Variants in PCDHGB1 observed in about 807,000 individuals in gnomAD.
The protein encoded by PCDHGB1 is protocadherin gamma subfamily B, 1.
A neutral mutation model predicts 56.6 loss-of-function variants in PCDHGB1; 34 were observed. The ratio of observed to expected loss-of-function variants is 0.60; its 90% CI spans 0.46 to 0.80. The LOEUF (loss-of-function observed/expected upper bound fraction) is 0.80, where lower values mean the gene tolerates loss of function less well. Ranked by LOEUF, PCDHGB1 falls within the 30% of genes least tolerant of loss-of-function variation. The pLI, the probability that PCDHGB1 is intolerant of heterozygous loss-of-function variation, is 0.00. For missense variants in PCDHGB1, 1,278 were observed against 1,204.6 expected, an observed-to-expected ratio of 1.06 and a Z score of -0.90; for synonymous variants, 561 against 505.9, an observed-to-expected ratio of 1.11 and a Z score of -1.46.
chr5:141,379,520 C>T (rs1262594059), intron 1 of PCDHGB1: 1 of 152,194 alleles, frequency 6.6e-6, no homozygotes, highest in East Asian at 1.9e-4. Context: ...ACATCTTGAG[C>T]ATTTGTTGTT....
In PCDHGB1 at chr5:141,489,372, G is replaced by A. The variant is rs1335356378; in HGVS notation, c.2410-5435G>A. 2 of 1,613,814 alleles carry A rather than the reference G, an allele frequency of 1.2e-6. No individual in the cohort carries two copies. Among genetic ancestry groups the A allele is most frequent in the Non-Finnish European group, 1.7e-6 (2 of 1,179,700 alleles). On this transcript the variant is annotated intron_variant, in intron 1 of 3. Transcript: ENST00000523390. The surrounding 1 kb of genome is among the most constrained non-coding windows in gnomAD (Gnocchi z 4.5). ...TGGAGGAGTCTGAGCCGGGGACGCT[G>A]GTGGGGAATGTTGCTCAGGATCTGG...
chr5:141,481,924 A>G (rs1189494301), intron 1 of PCDHGB1, among the ~76,000 whole-genome samples: 1 of 151,648 alleles, frequency 6.6e-6, no homozygotes, highest in Non-Finnish European at 1.5e-5. Context: ...AAAAAAAAAA[A>G]AAAAAAAAAA....
rs1335023784 is a variant in PCDHGB1 at position 141,490,877 on chromosome 5, C to CCAA, written c.2410-3927_2410-3925dup. 2.5e-6 allele frequency: 4 copies of CCAA among 1,613,762 alleles called. No homozygotes were observed. Among genetic ancestry groups the CCAA allele is most frequent in the Non-Finnish European group, 3.4e-6 (4 of 1,179,908 alleles). On this transcript the variant is annotated intron_variant, in intron 1 of 3. Transcript: ENST00000523390. This position sits in a 1 kb window ranked among gnomAD's most constrained non-coding sequence, Gnocchi z 5.4. ...GACTCCGGCTCTCCCCCATTGCATG[C>CCAA]CAACACATCTCTGCATGTGTTTGTC...
chr5:141,357,073 G>A (rs771776855), intron 1 of PCDHGB1: 43 of 1,613,956 alleles, frequency 2.7e-5, no homozygotes, highest in Non-Finnish European at 3.6e-5. Context: ...GCACACAGGC[G>A]AGGTGCGCAC....
chr5:141,448,099 T>C (rs1002430560), intron 1 of PCDHGB1, among the ~76,000 whole-genome samples: 1 of 151,272 alleles, frequency 6.6e-6, no homozygotes, highest in African/African-American at 2.4e-5. Context: ...AAAAAAAAAA[T>C]TAAAAGAAAA....
rs750687055 is a variant in PCDHGB1 at position 141,383,137 on chromosome 5, C to G, written c.2409+30468C>G. The G allele has an allele frequency of 2.5e-5, 40 of 1,613,994 alleles. No individual in the cohort carries two copies. In the Admixed American group the frequency reaches 3.2e-4, roughly 13 times the overall value. On this transcript the variant is annotated intron_variant, in intron 1 of 3. Transcript: ENST00000523390. Reference sequence around the variant, plus strand: ...GACGCAGCTTTTCGCCCTGAACCAGCGCAGCGGCAGCTTGGTCACTGCGGG... The same window carrying G: ...GACGCAGCTTTTCGCCCTGAACCAGGGCAGCGGCAGCTTGGTCACTGCGGG...
intron 1 of PCDHGB1, among the ~76,000 whole-genome samples, chr5:141,401,626 C>T (rs1476531463): frequency 6.6e-6 from 1 of 152,174 alleles, no homozygotes; most frequent in Non-Finnish European, 1.5e-5. Flanking sequence ...TTTGTCTTAT[C>T]GTTTGGAGCT....
At chr5:141,384,286 G>A (rs760333073) in intron 1 of PCDHGB1, 3 of 1,613,834 alleles carry the variant, frequency 1.9e-6, no homozygotes, top group South Asian at 2.2e-5. Context: ...CTACATCGCT[G>A]AGAACAACCC....
At chr5:141,478,098 C>T (rs779493391) in intron 1 of PCDHGB1, 1 of 1,614,142 alleles carries the variant, frequency 6.2e-7, no homozygotes, top group South Asian at 1.1e-5. Flanking sequence ...ACCACTGCTA[C>T]CCTCACTGTG....
chr5:141,365,803 G>C, intron 1 of PCDHGB1: 6 of 1,613,862 alleles, frequency 3.7e-6, no homozygotes, highest in South Asian at 1.1e-5. Flanking sequence ...CCTACTCCCT[G>C]GCTGAAGACA....
rs1357530807 is a variant in PCDHGB1, at chr5:141,365,228, G to A, written c.2409+12559G>A. On this transcript the variant is annotated intron_variant, in intron 1 of 3. Coordinates refer to ENST00000523390, the MANE Select transcript of PCDHGB1 (RefSeq NM_018922.3). ...TTTCCAACTTGATTCCAACCTGGGG[G>A]AAATCTCAACTCTACAATCACTGGA... 2.5e-6 allele frequency: 4 copies of A among 1,613,942 alleles called. No homozygotes were observed. In the South Asian group the frequency reaches 3.3e-5, roughly 13 times the overall value.
intron 1 of PCDHGB1, among the ~76,000 whole-genome samples, chr5:141,420,868 G>C (rs1479734969): frequency 6.6e-6 from 1 of 152,222 alleles, no homozygotes; most frequent in Non-Finnish European, 1.5e-5. Context: ...GTCACATAAT[G>C]TAAGTATTGT....
At position 141,486,996 on chromosome 5, in the gene PCDHGB1, A is replaced by G; in HGVS notation, c.2410-7811A>G. ...TCAGGTTACAATGCTTGGGTTTCCT[A>G]TCAGCTCCTGGAGGCCCCAGATCCC... On this transcript the variant is annotated intron_variant, in intron 1 of 3. Coordinates refer to ENST00000523390, the MANE Select transcript of PCDHGB1 (RefSeq NM_018922.3). This position sits in a 1 kb window ranked among gnomAD's most constrained non-coding sequence, Gnocchi z 5.0. 6.2e-7 allele frequency: 1 copy of G among 1,614,152 alleles called. No individual in the cohort carries two copies. Among genetic ancestry groups the G allele is most frequent in the Non-Finnish European group, 8.5e-7 (1 of 1,180,032 alleles).
At position 141,477,850 on chromosome 5, in the gene PCDHGB1, G is replaced by A; in HGVS notation, c.2410-16957G>A. On this transcript the variant is annotated intron_variant, in intron 1 of 3. Transcript: ENST00000523390. The surrounding 1 kb of genome is among the most constrained non-coding windows in gnomAD (Gnocchi z 4.9). ...CTCGGCCAGGTGGGAGCTCGGTGGAGATGCTGCCTCGAGGTACCTCAGCTG... is the reference window on the plus strand; with the variant it reads ...CTCGGCCAGGTGGGAGCTCGGTGGAAATGCTGCCTCGAGGTACCTCAGCTG... 6.2e-7 allele frequency: 1 copy of A among 1,613,446 alleles called. No homozygotes were observed. Among genetic ancestry groups the A allele is most frequent in the Admixed American group, 1.7e-5 (1 of 59,958 alleles).
In PCDHGB1 at chr5:141,423,718, A is replaced by G. The variant is rs1450410707; in HGVS notation, c.2409+71049A>G. The G allele has an allele frequency of 4.8e-6, 5 of 1,049,028 alleles. No homozygotes were observed. In the East Asian group the frequency reaches 2.9e-4, roughly 60 times the overall value. 65.0% of individuals were successfully genotyped at this position (1,049,028 alleles called of 1,614,324 possible). On this transcript the variant is annotated intron_variant, in intron 1 of 3. Coordinates refer to ENST00000523390, the MANE Select transcript of PCDHGB1 (RefSeq NM_018922.3). The stretch of plus-strand genomic sequence containing the variant: ...GTGTCTTGGCACAAGTCTTTTAAGG[A>G]GATGTTTTTTGAGCCTGTTATGAAA...
At chr5:141,376,171 G>T (rs758847977) in intron 1 of PCDHGB1, 1 of 1,614,096 alleles carries the variant, frequency 6.2e-7, no homozygotes, top group South Asian at 1.1e-5. Context: ...TGGTGGTGGC[G>T]GTGGCCGCGG....
At chr5:141,458,028 G>A (rs1363025110) in intron 1 of PCDHGB1, among the ~76,000 whole-genome samples, 2 of 152,122 alleles carry the variant, frequency 1.3e-5, no homozygotes, top group African/African-American at 4.8e-5. Flanking sequence ...ATTGTGTTCT[G>A]TTGACAAAGA....
intron 1 of PCDHGB1, chr5:141,365,395 G>T (rs753717509): frequency 5.6e-6 from 9 of 1,613,978 alleles, no homozygotes; most frequent in Non-Finnish European, 7.6e-6. Flanking sequence ...TGACCAGTTC[G>T]ATCTCTGAAG....
chr5:141,469,049 G>A (rs916327969), intron 1 of PCDHGB1, among the ~76,000 whole-genome samples: 3 of 152,054 alleles, frequency 2.0e-5, no homozygotes, highest in African/African-American at 2.4e-5. Context: ...GGCCAAGGTG[G>A]GAGGATTGCT....
Sources: gnomAD v4.1 joint callset for allele counts (sites outside exome capture counted in the v4.1 genomes callset) on GRCh38, gnomAD v4.1.1 for gene constraint, Gnocchi (gnomAD v3.1) non-coding constraint, MANE v1.5 for transcripts, NCBI Gene and HGNC (gene_info 2026-07-23, HGNC 2026-07-21) for gene names.